The following NBEA variants were observed in gnomAD, a reference collection of about 807,000 sequenced individuals.
NBEA encodes neurobeachin.
NBEA carries 44 observed loss-of-function variants against 343.4 expected under a neutral mutation model. That is an observed-to-expected ratio of 0.13 (90% CI 0.10 to 0.16). The LOEUF (loss-of-function observed/expected upper bound fraction) is 0.16. NBEA is among the 10% of genes least tolerant of loss of function. NBEA has a pLI of 1.00. For synonymous variants in NBEA, 1,175 were observed against 1,238.7 expected (o/e 0.95, Z 1.08); for missense variants, 2,555 against 3,631.3 (o/e 0.70, Z 7.62).
At chr13:35,258,736 A>G (rs182257879) in intron 34 of NBEA, among the ~76,000 whole-genome samples, 202 of 152,310 alleles carry the variant, frequency 1.3e-3, no homozygotes, top group African/African-American at 4.8e-3. Context: ...TAAATCTCAT[A>G]TGATATCTGT....
chr13:35,205,131 A>G (rs1321754552), intron 31 of NBEA, among the ~76,000 whole-genome samples: 1 of 152,194 alleles, frequency 6.6e-6, no homozygotes, highest in Non-Finnish European at 1.5e-5. Flanking sequence ...GGAAGGGGTA[A>G]TGTTGGTGAA....
intron 48 of NBEA, among the ~76,000 whole-genome samples, chr13:35,623,895 G>A (rs1240923924): frequency 6.6e-6 from 1 of 152,028 alleles, no homozygotes; most frequent in Non-Finnish European, 1.5e-5. Flanking sequence ...AGGAAACATG[G>A]AAAGCTATCC....
At chr13:35,622,259 G>T (rs1313402564) in intron 48 of NBEA, among the ~76,000 whole-genome samples, 4 of 152,150 alleles carry the variant, frequency 2.6e-5, no homozygotes, top group African/African-American at 9.7e-5. Flanking sequence ...TTTATATCAG[G>T]AAGTCCTGAG....
At chr13:35,282,488 A>G (rs2035120139) in intron 34 of NBEA, among the ~76,000 whole-genome samples, 1 of 152,328 alleles carries the variant, frequency 6.6e-6, no homozygotes, top group South Asian at 2.1e-4. Flanking sequence ...TCAGAGAGAA[A>G]TAAAGAAAGT....
At chr13:34,966,447 A>G (rs1432920413) in intron 1 of NBEA, among the ~76,000 whole-genome samples, 1 of 152,010 alleles carries the variant, frequency 6.6e-6, no homozygotes, top group Non-Finnish European at 1.5e-5. Context: ...TTGACTCTCT[A>G]CATTTATATT....
chr13:35,014,299 A>T (rs1793372743), intron 1 of NBEA, among the ~76,000 whole-genome samples: 1 of 152,108 alleles, frequency 6.6e-6, no homozygotes, highest in Admixed American at 6.6e-5. Flanking sequence ...TTTGCAATCT[A>T]TTTGTGCCAT....
chr13:35,154,065 A>G (rs117662256), intron 18 of NBEA, among the ~76,000 whole-genome samples: 6,978 of 152,250 alleles, frequency 0.046, 242 homozygotes, highest in Non-Finnish European at 0.068. Flanking sequence ...TTTAACAAGT[A>G]AGTGTTTAGT....
intron 30 of NBEA, among the ~76,000 whole-genome samples, chr13:35,188,321 A>T (rs2071883948): frequency 1.3e-5 from 2 of 151,968 alleles, no homozygotes; most frequent in Non-Finnish European, 2.9e-5. Flanking sequence ...TACATTATTA[A>T]CTATAGTCAC....
At chr13:35,000,313 A>T (rs1334528591) in intron 1 of NBEA, among the ~76,000 whole-genome samples, 1 of 152,132 alleles carries the variant, frequency 6.6e-6, no homozygotes, top group East Asian at 1.9e-4. Context: ...TATAGTTGAA[A>T]AATTTACATG....
chr13:34,983,892 A>C (rs1238784553), intron 1 of NBEA, among the ~76,000 whole-genome samples: 1 of 151,972 alleles, frequency 6.6e-6, no homozygotes, highest in Non-Finnish European at 1.5e-5. Context: ...AAATTTGTTT[A>C]AGTTCTTTGT....
At chr13:35,305,050 A>T (rs1182884422) in intron 35 of NBEA, among the ~76,000 whole-genome samples, 1 of 152,220 alleles carries the variant, frequency 6.6e-6, no homozygotes, top group African/African-American at 2.4e-5. Flanking sequence ...GCATTTCCCC[A>T]CTATAGCCAT....
chr13:35,391,397 A>T (rs1360613468), intron 38 of NBEA, among the ~76,000 whole-genome samples: 1 of 152,178 alleles, frequency 6.6e-6, no homozygotes, highest in Admixed American at 6.5e-5. Flanking sequence ...CATGTTGTAC[A>T]CATAGAAGAA....
intron 1 of NBEA, among the ~76,000 whole-genome samples, chr13:35,023,940 C>T (rs2061931950): frequency 6.6e-6 from 1 of 152,120 alleles, no homozygotes; most frequent in African/African-American, 2.4e-5. Context: ...GTGAGCATAG[C>T]ACCCACTAGG....
chr13:35,034,604 A>G (rs535417752), intron 1 of NBEA, among the ~76,000 whole-genome samples: 1 of 151,868 alleles, frequency 6.6e-6, no homozygotes, highest in East Asian at 1.9e-4. Context: ...ATTTTTCAGA[A>G]TAGTTTGAGT....
At chr13:35,593,070 G>A (rs1252207352) in intron 46 of NBEA, 1 of 353,048 alleles carries the variant, frequency 2.8e-6, no homozygotes, top group Admixed American at 4.5e-5. Context: ...GAAAATCGTA[G>A]AGCACTGGAA....
intron 44 of NBEA, among the ~76,000 whole-genome samples, chr13:35,561,451 A>G (rs557111390): frequency 1.3e-5 from 2 of 152,288 alleles, no homozygotes; most frequent in Admixed American, 1.3e-4. Context: ...TATTTTCTAT[A>G]AATATTATCC....
intron 31 of NBEA, among the ~76,000 whole-genome samples, chr13:35,198,532 T>C (rs2072788030): frequency 6.6e-6 from 1 of 152,206 alleles, no homozygotes; most frequent in Non-Finnish European, 1.5e-5. Flanking sequence ...AAATTTATTA[T>C]ACTTTTGAGA....
chr13:34,969,588 C>T (rs996923379), intron 1 of NBEA, among the ~76,000 whole-genome samples: 1 of 151,960 alleles, frequency 6.6e-6, no homozygotes, highest in Non-Finnish European at 1.5e-5. Flanking sequence ...TGTGTTGTTC[C>T]CCTCTATGTG....
intron 35 of NBEA, among the ~76,000 whole-genome samples, chr13:35,293,389 T>G (rs892563080): frequency 6.6e-6 from 1 of 152,050 alleles, no homozygotes; most frequent in Admixed American, 6.6e-5. Context: ...GATATAGATC[T>G]TATGATACAA....
Sources: gnomAD v4.1 joint callset for allele counts (sites outside exome capture counted in the v4.1 genomes callset) on GRCh38, gnomAD v4.1.1 for gene constraint, MANE v1.5 for transcripts, NCBI Gene and HGNC (gene_info 2026-07-23, HGNC 2026-07-21) for gene names.